Variants in AMMECR1 observed in about 807,000 individuals in gnomAD.
AMMECR1 encodes AMMECR nuclear protein 1.
Under a neutral mutation model 22.5 loss-of-function variants are expected in AMMECR1, and 3 were observed. The observed-to-expected ratio is 0.13, with a 90% CI of 0.06 to 0.35. AMMECR1 has a LOEUF of 0.35. AMMECR1 is among the 10% of genes least tolerant of loss of function. The probability of loss-of-function intolerance (pLI) is 1.00; values close to 1 mark genes in which losing one functional copy is unlikely to be tolerated. For synonymous variants in AMMECR1, 130 were observed against 116.7 expected (o/e 1.11, Z -0.74); for missense variants, 235 against 278.7 (o/e 0.84, Z 1.12).
At chrX:110,291,867 C>T (rs972338168) in intron 1 of AMMECR1, among the ~76,000 whole-genome samples, 4 of 111,548 alleles carry the variant, frequency 3.6e-5, no homozygotes, top group South Asian at 3.8e-4. Context: ...GCAGTGGCCC[C>T]GAATACACAG....
intron 2 of AMMECR1, chrX:110,224,859 C>A: frequency 3.6e-6 from 1 of 280,082 alleles, no homozygotes; most frequent in Non-Finnish European, 6.6e-6. Flanking sequence ...TTCTAAGCAG[C>A]AGATACAGAA....
intron 3 of AMMECR1, among the ~76,000 whole-genome samples, chrX:110,216,069 T>A (rs1326151580): frequency 8.9e-6 from 1 of 112,393 alleles, no homozygotes; most frequent in Non-Finnish European, 1.9e-5. Context: ...CTCTAGTTAA[T>A]CAATACCTTG....
chrX:110,380,066 C>T (rs1471261833), intron 2 of AMMECR1, among the ~76,000 whole-genome samples: 1 of 111,599 alleles, frequency 9.0e-6, no homozygotes, highest in Non-Finnish European at 1.9e-5. Context: ...TCCTTATCCC[C>T]ATCAGATTTC....
intron 1 of AMMECR1, among the ~76,000 whole-genome samples, chrX:110,284,077 G>C (rs1410643909): frequency 9.0e-6 from 1 of 111,186 alleles, no homozygotes; most frequent in Non-Finnish European, 1.9e-5. Context: ...GGTGAGCTGA[G>C]ATCTTGCCAC....
intron 1 of AMMECR1, 67 bp from the exon 2 acceptor site, chrX:110,264,666 G>A (rs1569392215): frequency 3.4e-6 from 3 of 894,982 alleles, no homozygotes; most frequent in Non-Finnish European, 4.8e-6. Flanking sequence ...ATTGAGTATT[G>A]ACTGTCTGCT....
At chrX:110,265,440 C>A (rs1209970881) in intron 1 of AMMECR1, among the ~76,000 whole-genome samples, 1 of 111,702 alleles carries the variant, frequency 9.0e-6, no homozygotes, top group Non-Finnish European at 1.9e-5. Flanking sequence ...CATCAAAGAA[C>A]AAAGTATCAA....
rs180715560 is a variant in AMMECR1, at chrX:110,198,517, G to T, written c.*3C>A. The T allele has an allele frequency of 7.5e-5, 87 of 1,158,529 alleles. No individual in the cohort carries two copies. The highest frequency in any genetic ancestry group is 1.0e-4 in the Non-Finnish European group (86 of 861,150). Reference sequence around the variant, plus strand: ...GCCCAGTGACTGGTTGTGCGGCTCAGTGTCAGGAATAATGGTTGTATGGCG... The same window carrying T: ...GCCCAGTGACTGGTTGTGCGGCTCATTGTCAGGAATAATGGTTGTATGGCG... On this transcript the variant is annotated 3_prime_UTR_variant, in exon 6 of 6. Coordinates refer to ENST00000262844, the MANE Select transcript of AMMECR1 (RefSeq NM_015365.3).
In AMMECR1 at chrX:110,318,020, G is replaced by C; in HGVS notation, c.52C>G (p.Pro18Ala). The C allele has an allele frequency of 1.7e-6, 2 of 1,206,190 alleles. No individual in the cohort carries two copies. Among genetic ancestry groups the C allele is most frequent in the Non-Finnish European group, 2.2e-6 (2 of 893,638 alleles). The change falls in exon 1 of 6, where the codon CCC becomes GCC. Residue 18 changes from proline (P) to alanine (A), a missense_variant. Transcript: ENST00000262844. Reference sequence around the variant, plus strand: ...CCACCACCGCCACCCGAGCCAGAGGGGGGCGAACTGGACAGTTTCTGCTTC... The same window carrying C: ...CCACCACCGCCACCCGAGCCAGAGGCGGGCGAACTGGACAGTTTCTGCTTC... ...VKKQKLSSSP[P>A]SGSGGGGGAS...
At chrX:110,288,949 C>T (rs939628488) in intron 1 of AMMECR1, among the ~76,000 whole-genome samples, 2 of 111,977 alleles carry the variant, frequency 1.8e-5, no homozygotes, top group African/African-American at 6.5e-5. Flanking sequence ...CCACTCTTCT[C>T]TCTCTTGATT....
rs2068240149 is a variant in AMMECR1, at chrX:110,358,168, T to G, written c.-147-40319A>C. On this transcript the variant is annotated intron_variant, in intron 2 of 7. Transcript: ENST00000372057. ...TACAGACATATGGAAATCTGAAGCATACTTAGAGTTGCGGGTTCTTTCTCT... is the reference window on the plus strand; with the variant it reads ...TACAGACATATGGAAATCTGAAGCAGACTTAGAGTTGCGGGTTCTTTCTCT... Among the ~76,000 whole-genome samples the G allele has an allele frequency of 2.7e-5, 3 of 112,086 alleles. No individual in the cohort carries two copies. The Admixed American group carries it at 2.8e-4, about 11-fold the overall frequency.
chrX:110,329,974 T>A (rs1435479433), intron 2 of AMMECR1, among the ~76,000 whole-genome samples: 1 of 112,029 alleles, frequency 8.9e-6, no homozygotes, highest in Non-Finnish European at 1.9e-5. Context: ...TTGTACCATA[T>A]GTTTTCTCTA....
At chrX:110,260,589 G>C (rs2067735404) in intron 2 of AMMECR1, among the ~76,000 whole-genome samples, 1 of 110,551 alleles carries the variant, frequency 9.0e-6, no homozygotes, top group African/African-American at 3.3e-5. Flanking sequence ...CTTAATTCAG[G>C]ATAGGCATTT....
intron 2 of AMMECR1, among the ~76,000 whole-genome samples, chrX:110,349,175 G>A (rs375226236): frequency 8.9e-6 from 1 of 112,173 alleles, no homozygotes; most frequent in Non-Finnish European, 1.9e-5. Flanking sequence ...TTCTGTACCC[G>A]ATTAGGTATG....
chrX:110,326,760 A>G (rs2068099407), intron 2 of AMMECR1, among the ~76,000 whole-genome samples: 1 of 112,033 alleles, frequency 8.9e-6, no homozygotes, highest in African/African-American at 3.2e-5. Context: ...AGTGAGATCA[A>G]TTTTGCTGGT....
chrX:110,406,556 G>A (rs1394338799), intron 2 of AMMECR1, among the ~76,000 whole-genome samples: 1 of 111,809 alleles, frequency 8.9e-6, no homozygotes, highest in Non-Finnish European at 1.9e-5. Flanking sequence ...GAATAGTGCC[G>A]CAATAAACAT....
chrX:110,392,581 C>G (rs1193957837), intron 2 of AMMECR1, among the ~76,000 whole-genome samples: 1 of 112,082 alleles, frequency 8.9e-6, no homozygotes, highest in African/African-American at 3.2e-5. Context: ...CTGTGCCCAG[C>G]CTTCTACCAC....
rs775618129 is a variant in AMMECR1 at position 110,407,039 on chromosome X, G to A, written c.-148+19619C>T. On this transcript the variant is annotated intron_variant, in intron 2 of 7. Transcript: ENST00000372057. ...TTGATTGTGTTTTCTCCTTTTCCTC[G>A]GAAAGCTCTGGTATTGCGCAAACGC... 5.4e-5 allele frequency among the ~76,000 whole-genome samples: 6 copies of A among 111,261 alleles called. No homozygotes were observed. The South Asian group carries it at 1.9e-3, about 35-fold the overall frequency.
Position 110,196,390 on chromosome X carries a change from TTTTGTTTTGTTTTTTTTTTG to T in AMMECR1, c.*2110_*2129del. ...TTACCTTTTTTTCCTTTTTTTTGTT[TTTTGTTTTGTTTTTTTTTTG>T]TTTGTTTTTTTTTGCAGCAGACAAT... On this transcript the variant is annotated 3_prime_UTR_variant, in exon 6 of 6. Transcript: ENST00000262844. The T allele has an allele frequency of 9.3e-6, 1 of 107,791 alleles. No individual in the cohort carries two copies. Among genetic ancestry groups the T allele is most frequent in the Admixed American group, 9.7e-5 (1 of 10,308 alleles). 8.9% of individuals were successfully genotyped at this position (107,791 alleles called of 1,213,427 possible).
At chrX:110,402,488 G>C (rs1417914348) in intron 2 of AMMECR1, among the ~76,000 whole-genome samples, 1 of 112,953 alleles carries the variant, frequency 8.9e-6, no homozygotes, top group Non-Finnish European at 1.9e-5. Context: ...GAAGAGGAAG[G>C]CTGTGCTAGC....
Sources: allele counts gnomAD v4.1 joint callset (sites outside exome capture counted in the v4.1 genomes callset), GRCh38; gene constraint gnomAD v4.1.1; transcripts MANE v1.5; gene names NCBI Gene and HGNC (gene_info 2026-07-23, HGNC 2026-07-21).